The following PIGL variants were observed in gnomAD, a reference collection of about 807,000 sequenced individuals.
The protein encoded by PIGL is N-acetylglucosaminyl-phosphatidylinositol de-N-acetylase.
A neutral mutation model predicts 31.1 loss-of-function variants in PIGL; 22 were observed. The ratio of observed to expected loss-of-function variants is 0.71; its 90% CI spans 0.51 to 1.01. PIGL has a LOEUF of 1.01. Ranked by LOEUF, PIGL falls within the 50% of genes least tolerant of loss-of-function variation. The pLI is 0.00. For missense variants in PIGL, 302 were observed against 315.9 expected, an observed-to-expected ratio of 0.96 and a Z score of 0.33; for synonymous variants, 131 against 117.4, an observed-to-expected ratio of 1.12 and a Z score of -0.75.
intron 3 of PIGL, among the ~76,000 whole-genome samples, chr17:16,301,570 A>AT (rs3034004): frequency 2.1e-3 from 233 of 112,344 alleles, no homozygotes; most frequent in East Asian, 3.2e-3. Flanking sequence ...CCAATTTTTA[A>AT]TTTTTTTTTT....
intron 1 of PIGL, among the ~76,000 whole-genome samples, chr17:16,231,878 T>C (rs111967486): frequency 5.3e-5 from 8 of 152,320 alleles, no homozygotes; most frequent in African/African-American, 1.9e-4. Context: ...CAGTAAAAAA[T>C]GTTGAGTTTT....
At chr17:16,238,674 G>T (rs920919161) in intron 2 of PIGL, among the ~76,000 whole-genome samples, 1 of 150,938 alleles carries the variant, frequency 6.6e-6, no homozygotes, top group Non-Finnish European at 1.5e-5. Flanking sequence ...ACTTTGGGAG[G>T]CCGAGGCAGG....
intron 6 of PIGL, among the ~76,000 whole-genome samples, chr17:16,321,163 C>G (rs2093103906): frequency 1.3e-5 from 2 of 151,442 alleles, no homozygotes; most frequent in East Asian, 1.9e-4. Flanking sequence ...GTCTTGAACT[C>G]CTGACCTCAA....
intron 2 of PIGL, among the ~76,000 whole-genome samples, chr17:16,266,602 CT>C (rs990912324): frequency 2.0e-5 from 3 of 149,610 alleles, no homozygotes; most frequent in Non-Finnish European, 4.5e-5. Flanking sequence ...ATAATAGTTT[CT>C]TTTTTTTTCT....
At chr17:16,241,923 G>C (rs2092724860) in intron 2 of PIGL, among the ~76,000 whole-genome samples, 1 of 151,948 alleles carries the variant, frequency 6.6e-6, no homozygotes, top group South Asian at 2.1e-4. Flanking sequence ...TCCTACTATT[G>C]AATATTTAAA....
At chr17:16,311,892 T>A (rs1394618605) in intron 3 of PIGL, among the ~76,000 whole-genome samples, 6 of 152,180 alleles carry the variant, frequency 3.9e-5, no homozygotes, top group Admixed American at 6.5e-5. Flanking sequence ...CTGATTTCTC[T>A]ATCTTTTCCC....
intron 3 of PIGL, among the ~76,000 whole-genome samples, chr17:16,301,412 G>A (rs922048876): frequency 4.1e-5 from 6 of 147,192 alleles, no homozygotes; most frequent in African/African-American, 1.0e-4. Context: ...CTACAGACAC[G>A]TGCCACCACG....
intron 3 of PIGL, among the ~76,000 whole-genome samples, chr17:16,306,276 C>A (rs1453535549): frequency 1.3e-5 from 2 of 151,880 alleles, no homozygotes; most frequent in Admixed American, 1.3e-4. Context: ...AACACTATTT[C>A]TTCACTTAAA....
At chr17:16,286,759 A>T (rs1227019989) in intron 2 of PIGL, among the ~76,000 whole-genome samples, 3 of 152,108 alleles carry the variant, frequency 2.0e-5, no homozygotes, top group Admixed American at 2.0e-4. Flanking sequence ...AGCTTCCAAA[A>T]TAGTAGTCTC....
intron 2 of PIGL, among the ~76,000 whole-genome samples, chr17:16,268,929 T>A (rs556449921): frequency 6.6e-6 from 1 of 151,790 alleles, no homozygotes; most frequent in Admixed American, 6.6e-5. Flanking sequence ...CGCCTGGCTA[T>A]TTTTTTGTAT....
In PIGL at chr17:16,274,905, G is replaced by T. The variant is rs370447492; in HGVS notation, c.336-24983G>T. Among the ~76,000 whole-genome samples the T allele has an allele frequency of 6.0e-5, 9 of 151,260 alleles. 1 individual carries two copies. In the South Asian group the frequency reaches 1.9e-3, roughly 32 times the overall value. On this transcript the variant is annotated intron_variant, in intron 2 of 6. Coordinates refer to ENST00000225609, the MANE Select transcript of PIGL (RefSeq NM_004278.4). ...AAATTAGCCGAGTGTGGTGGCTTGCGCCTGTAATCCTAGCTACTCAGGAGG... is the reference window on the plus strand; with the variant it reads ...AAATTAGCCGAGTGTGGTGGCTTGCTCCTGTAATCCTAGCTACTCAGGAGG...
chr17:16,321,232 C>T (rs78181806), intron 6 of PIGL, among the ~76,000 whole-genome samples: 8,413 of 146,098 alleles, frequency 0.058, 394 homozygotes, highest in African/African-American at 0.13. Context: ...ACCACTGCGC[C>T]GGGCCTTTTT....
intron 2 of PIGL, among the ~76,000 whole-genome samples, chr17:16,295,909 C>G (rs974261709): frequency 2.0e-5 from 3 of 152,046 alleles, no homozygotes; most frequent in Non-Finnish European, 4.4e-5. Context: ...CCATTGCATT[C>G]CAGCCTAGGC....
chr17:16,316,868 C>T, intron 5 of PIGL, 156 bp downstream of exon 5: 1 of 1,424,504 alleles, frequency 7.0e-7, no homozygotes, highest in Non-Finnish European at 9.3e-7. Context: ...CTCAAGGTAC[C>T]TGGCAGGTTG....
intron 2 of PIGL, among the ~76,000 whole-genome samples, chr17:16,266,682 G>T (rs995029595): frequency 6.6e-6 from 1 of 151,738 alleles, no homozygotes; most frequent in Non-Finnish European, 1.5e-5. Flanking sequence ...TGCAAGCTCC[G>T]CGTCCCAGGT....
chr17:16,253,843 T>C (rs2092782472), intron 2 of PIGL, among the ~76,000 whole-genome samples: 1 of 152,054 alleles, frequency 6.6e-6, no homozygotes, highest in African/African-American at 2.4e-5. Context: ...CTTAGGAGGC[T>C]GAGGCAGGAG....
chr17:16,296,351 C>A (rs1273248522), intron 2 of PIGL, among the ~76,000 whole-genome samples: 4 of 152,034 alleles, frequency 2.6e-5, no homozygotes, highest in Non-Finnish European at 5.9e-5. Context: ...GTGGCTCACA[C>A]CTGTAATCCC....
At chr17:16,306,096 G>A (rs1159079226) in intron 3 of PIGL, among the ~76,000 whole-genome samples, 1 of 151,966 alleles carries the variant, frequency 6.6e-6, no homozygotes, top group East Asian at 1.9e-4. Context: ...CTACAGGCAC[G>A]CGCCACCATG....
At chr17:16,250,332 A>G (rs2092765853) in intron 2 of PIGL, among the ~76,000 whole-genome samples, 1 of 152,278 alleles carries the variant, frequency 6.6e-6, no homozygotes, top group Non-Finnish European at 1.5e-5. Flanking sequence ...ATAAGAAAAA[A>G]CATAGTATAT....
Sources: allele counts gnomAD v4.1 joint callset (sites outside exome capture counted in the v4.1 genomes callset), GRCh38; gene constraint gnomAD v4.1.1; transcripts MANE v1.5; gene names NCBI Gene and HGNC (gene_info 2026-07-23, HGNC 2026-07-21).